MACO1: variants seen among roughly 807,000 people sequenced by gnomAD.
The protein encoded by MACO1 is macoilin.
MACO1 carries 14 observed loss-of-function variants against 78.7 expected under a neutral mutation model. That is an observed-to-expected ratio of 0.18 (90% CI 0.12 to 0.28). The LOEUF is 0.28. MACO1 is among the 10% of genes least tolerant of loss of function. MACO1 has a pLI of 1.00. For missense variants in MACO1, 501 were observed against 799.0 expected (o/e 0.63, Z 4.50); for synonymous variants, 288 against 291.6 (o/e 0.99, Z 0.12).
At chr1:25,457,530 G>A (rs2124585390) in intron 5 of MACO1, among the ~76,000 whole-genome samples, 1 of 152,294 alleles carries the variant, frequency 6.6e-6, no homozygotes. Flanking sequence ...TAGACATGTA[G>A]AATTGAACTT....
chr1:25,484,000 G>T, intron 6 of MACO1, 116 bp from the exon 7 acceptor site: 3 of 1,047,158 alleles, frequency 2.9e-6, no homozygotes, highest in Non-Finnish European at 4.1e-6. Context: ...GGCAGGAACT[G>T]CCAGCGGGGT....
intron 8 of MACO1, among the ~76,000 whole-genome samples, chr1:25,488,801 T>TA (rs2043457660): frequency 6.6e-6 from 1 of 152,072 alleles, no homozygotes; most frequent in Admixed American, 6.5e-5. Flanking sequence ...TAGTCTTTTT[T>TA]AAAATTTTAT....
At position 25,479,516 on chromosome 1, in the gene MACO1, C is replaced by T. The variant is rs556903382; in HGVS notation, c.1155-4600C>T. On this transcript the variant is annotated intron_variant, in intron 6 of 10. Coordinates refer to ENST00000374343, the MANE Select transcript of MACO1 (RefSeq NM_018202.6). ...GCAACCTCTGCCTCCTGACTTCAAG[C>T]GATTCTCCTGCCTCAGCCTCCCCTG... 2.6e-5 allele frequency among the ~76,000 whole-genome samples: 4 copies of T among 152,146 alleles called. No homozygotes were observed. The East Asian group carries it at 5.8e-4, about 22-fold the overall frequency.
Position 25,448,789 on chromosome 1 carries a change from G to C in MACO1, c.223-19G>C. The C allele has an allele frequency of 1.3e-6, 2 of 1,505,988 alleles. No homozygotes were observed. The highest frequency in any genetic ancestry group is 2.8e-5 in the South Asian group (2 of 72,260). The allele number at this position is 1,505,988 out of a possible 1,614,324, so 93.3% of individuals were successfully genotyped here. ...GGTTCTAAGATGTATCTTTTATTTTGTTTTATTTTTCCCTTTAGGCCTTCT... is the reference window on the plus strand; with the variant it reads ...GGTTCTAAGATGTATCTTTTATTTTCTTTTATTTTTCCCTTTAGGCCTTCT... On this transcript the variant is annotated intron_variant, in intron 2 of 10. Transcript: ENST00000374343.
At chr1:25,472,670 G>C (rs1020021960) in intron 6 of MACO1, among the ~76,000 whole-genome samples, 2 of 152,128 alleles carry the variant, frequency 1.3e-5, no homozygotes, top group African/African-American at 4.8e-5. Context: ...AGTAGTTTGC[G>C]GAAGAAAATC....
At chr1:25,491,098 G>A (rs988573275) in intron 9 of MACO1, among the ~76,000 whole-genome samples, 7 of 152,298 alleles carry the variant, frequency 4.6e-5, no homozygotes, top group African/African-American at 1.7e-4. Context: ...TAATTTGCAC[G>A]TGGCCAGCAA....
Position 25,458,715 on chromosome 1 carries a change from G to C in MACO1, c.977G>C (p.Ser326Thr), listed in dbSNP as rs145917972. The C allele has an allele frequency of 1.3e-4, 216 of 1,614,190 alleles. No individual in the cohort carries two copies. The highest frequency in any genetic ancestry group is 8.0e-4 in the Admixed American group (48 of 60,012). ...TCCTCAAAAAATTACAAAAATGCCA[G>C]TGGAGTTGTGAACTCTTCACCTCGA... ...TASSKNYKNA[S>T]GVVNSSPRSH... The change falls in exon 6 of 11, where the codon AGT becomes ACT. Residue 326 changes from serine to threonine, a missense_variant. Ser to Thr is a moderately conservative substitution (Grantham distance 58). Coordinates refer to ENST00000374343, the MANE Select transcript of MACO1 (RefSeq NM_018202.6).
intron 1 of MACO1, among the ~76,000 whole-genome samples, chr1:25,439,430 C>T (rs951324069): frequency 6.6e-6 from 1 of 152,044 alleles, no homozygotes; most frequent in Admixed American, 6.6e-5. Context: ...GGGCATATTT[C>T]ACACTGTTAG....
chr1:25,454,465 TGTGTG>T, intron 4 of MACO1, 83 bp downstream of exon 4: 1 of 198,784 alleles, frequency 5.0e-6, no homozygotes, highest in Non-Finnish European at 7.3e-6. Context: ...TGTGTGTGTG[TGTGTG>T]TATATATATA....
chr1:25,484,849 G>A (rs921134996), intron 7 of MACO1, among the ~76,000 whole-genome samples: 2 of 152,022 alleles, frequency 1.3e-5, no homozygotes, highest in African/African-American at 4.8e-5. Context: ...CAGGCTGTTG[G>A]CTTTCTGGGC....
At position 25,450,280 on chromosome 1, in the gene MACO1, A is replaced by G. The variant is rs567764204; in HGVS notation, c.349+1346A>G. Among the ~76,000 whole-genome samples the G allele has an allele frequency of 4.8e-3, 735 of 152,236 alleles. 1 individual carries two copies. Among genetic ancestry groups the G allele is most frequent in the South Asian group, 9.4e-3 (45 of 4,808 alleles). On this transcript the variant is annotated intron_variant, in intron 3 of 10. Transcript: ENST00000374343. ...TTCACCCTCCTCGTCTGCCTGCCTC[A>G]GTGGTTCTCTACACTGTGGCAGGTA...
At chr1:25,495,687 G>A (rs1474932113) in intron 10 of MACO1, among the ~76,000 whole-genome samples, 1 of 152,156 alleles carries the variant, frequency 6.6e-6, no homozygotes, top group Non-Finnish European at 1.5e-5. Flanking sequence ...TTTCAGGCCA[G>A]GCGCGGTGGC....
chr1:25,434,590 C>G (rs544654878), intron 1 of MACO1, among the ~76,000 whole-genome samples: 4 of 152,260 alleles, frequency 2.6e-5, no homozygotes, highest in Non-Finnish European at 5.9e-5. Context: ...TTTTAGCTTA[C>G]TGTTTTAGTG....
chr1:25,458,350 G>T (rs765050020), intron 5 of MACO1, 41 bp from the exon 6 acceptor site: 6 of 1,533,230 alleles, frequency 3.9e-6, no homozygotes, highest in Non-Finnish European at 5.2e-6. Flanking sequence ...AAATATTCCG[G>T]TGGGGGCTTT....
At position 25,458,354 on chromosome 1, in the gene MACO1, G is replaced by A. The variant is rs750335779; in HGVS notation, c.653-37G>A. On this transcript the variant is annotated intron_variant, in intron 5 of 10. Transcript: ENST00000374343. ...GTTAAACAACTAAATATTCCGGTGG[G>A]GGCTTTTTGTTTGTTGGTTTGTTTT... 4 of 1,534,774 alleles carry A rather than the reference G, an allele frequency of 2.6e-6. No individual in the cohort carries two copies. In the South Asian group the frequency reaches 5.3e-5, roughly 20 times the overall value.
chr1:25,491,296 G>A, intron 9 of MACO1, 114 bp from the exon 10 acceptor site: 2 of 1,422,764 alleles, frequency 1.4e-6, no homozygotes, highest in Non-Finnish European at 1.9e-6. Flanking sequence ...ACCAGATTTT[G>A]TGTTCTAGTG....
chr1:25,446,508 GT>G (rs918017296), intron 1 of MACO1, among the ~76,000 whole-genome samples: 7 of 152,022 alleles, frequency 4.6e-5, no homozygotes, highest in Non-Finnish European at 7.4e-5. Context: ...GATTTAAATG[GT>G]TTTTTTCCAT....
intron 6 of MACO1, among the ~76,000 whole-genome samples, 191 bp from the exon 7 acceptor site, chr1:25,483,925 A>G (rs61775192): frequency 0.43 from 65,544 of 152,054 alleles, 15,064 homozygotes; most frequent in East Asian, 0.73. Context: ...CAGTAGGAAG[A>G]GGTAGGGACC....
At chr1:25,478,251 A>G (rs986773174) in intron 6 of MACO1, among the ~76,000 whole-genome samples, 8 of 152,152 alleles carry the variant, frequency 5.3e-5, no homozygotes, top group Non-Finnish European at 1.2e-4. Context: ...TCTCAAAAAA[A>G]TTTTTTCAAT....
Sources: allele counts gnomAD v4.1 joint callset (sites outside exome capture counted in the v4.1 genomes callset), GRCh38; gene constraint gnomAD v4.1.1; transcripts MANE v1.5; gene names NCBI Gene and HGNC (gene_info 2026-07-23, HGNC 2026-07-21).